Variants in SNAPC4 observed in about 807,000 individuals in gnomAD.
SNAPC4 encodes the protein small nuclear RNA activating complex polypeptide 4.
In SNAPC4, 127 loss-of-function variants were observed where a neutral mutation model predicts 151.3. That is an observed-to-expected ratio of 0.84 (90% CI 0.73 to 0.97). The LOEUF (loss-of-function observed/expected upper bound fraction) is 0.97, where lower values mean the gene tolerates loss of function less well. SNAPC4 is among the 50% of genes least tolerant of loss of function. The pLI is 0.00. For missense variants in SNAPC4, 2,186 were observed against 1,935.0 expected (o/e 1.13, Z -2.43); for synonymous variants, 1,002 against 824.4 (o/e 1.22, Z -3.69).
At chr9:136,385,005 A>T (rs1833843979) in intron 13 of SNAPC4, among the ~76,000 whole-genome samples, 191 bp from the exon 14 acceptor site, 1 of 152,236 alleles carries the variant, frequency 6.6e-6, no homozygotes, top group Non-Finnish European at 1.5e-5. Flanking sequence ...AAAAGTAGAA[A>T]GTGTACAGGC....
intron 19 of SNAPC4, 51 bp downstream of exon 19, chr9:136,381,271 A>G: frequency 6.7e-7 from 1 of 1,485,566 alleles, no homozygotes; most frequent in Non-Finnish European, 9.3e-7. Context: ...AAACTTCACC[A>G]AAAACTTTTT....
rs372449308 is a variant in SNAPC4 at position 136,393,796 on chromosome 9, C to T, written c.632+453G>A. ...CCTTCATGGGGAAGGGGCATAAAGT[C>T]CAGGCATGAGCATCTCTCCATGGCC... On this transcript the variant is annotated intron_variant, in intron 7 of 23. Coordinates refer to ENST00000684778, the MANE Select transcript of SNAPC4 (RefSeq NM_003086.4). Among the ~76,000 whole-genome samples the T allele has an allele frequency of 7.9e-5, 12 of 152,370 alleles. No homozygotes were observed. In the East Asian group the frequency reaches 2.3e-3, roughly 29 times the overall value.
At chr9:136,381,613 G>C (rs894386546) in intron 18 of SNAPC4, among the ~76,000 whole-genome samples, 1 of 151,856 alleles carries the variant, frequency 6.6e-6, no homozygotes, top group African/African-American at 2.4e-5. Context: ...CTTGGCCCAG[G>C]AAGAGTGGTG....
intron 10 of SNAPC4, among the ~76,000 whole-genome samples, chr9:136,391,497 C>T (rs1349973030): frequency 6.6e-6 from 1 of 152,194 alleles, no homozygotes; most frequent in Non-Finnish European, 1.5e-5. Context: ...AAGCTACTCT[C>T]AGGGTGGCCT....
rs1267753941 is a variant in SNAPC4, at chr9:136,380,845, G to C, written c.2394C>G (p.Phe798Leu). 4 of 1,585,880 alleles carry C rather than the reference G, an allele frequency of 2.5e-6. No homozygotes were observed. The East Asian group carries it at 8.9e-5, about 35-fold the overall frequency. ...CCAAGCAGCCGGCAGTATCGATGTG[G>C]AACAGCTGCGGGACACAGGAGGCAA... ...TPVFTLFTQL[F>L]HIDTAGCLEV... The change falls in exon 20 of 24, where the codon TTC (phenylalanine) becomes TTG (leucine). Residue 798 changes from phenylalanine (F) to leucine (L), a missense_variant. Coordinates refer to ENST00000684778, the MANE Select transcript of SNAPC4 (RefSeq NM_003086.4).
At position 136,378,027 on chromosome 9, in the gene SNAPC4, C is replaced by A; in HGVS notation, c.3800G>T (p.Gly1267Val). The A allele has an allele frequency of 6.3e-7, 1 of 1,589,848 alleles. No individual in the cohort carries two copies. The highest frequency in any genetic ancestry group is 8.6e-7 in the Non-Finnish European group (1 of 1,169,020). The stretch of plus-strand genomic sequence containing the variant: ...GGACAGCAGGCCCAGGTCCAGGGCC[C>A]CCTTCTCAGGCCCAGGCTGGGGTAG... ...PPLPQPGPEKGALDLGLLSQE... is the reference protein window; with the variant it reads ...PPLPQPGPEKVALDLGLLSQE... Residue 1267 changes from glycine (G) to valine (V), a missense_variant, in exon 22 of 24, where the codon GGG becomes GTG. Gly to Val is a moderately radical substitution (Grantham distance 109). Coordinates refer to ENST00000684778, the MANE Select transcript of SNAPC4 (RefSeq NM_003086.4).
rs745439800 is a variant in SNAPC4, at chr9:136,388,494, G to A, written c.1073C>T (p.Thr358Met). Residue 358 changes from threonine to methionine, a missense_variant, in exon 11 of 24, where the codon ACG (threonine) becomes ATG (methionine). Transcript: ENST00000684778. ...GACGCGCATCTCCTGCACCAGCTGC[G>A]TGAGCATGCGGTCCTCCTCCTCTGT... ...EWTEEEDRML[T>M]QLVQEMRVGS... The A allele has an allele frequency of 3.7e-6, 6 of 1,614,008 alleles. No homozygotes were observed. Among genetic ancestry groups the A allele is most frequent in the East Asian group, 2.2e-5 (1 of 44,890 alleles).
At position 136,376,406 on chromosome 9, in the gene SNAPC4, G is replaced by A; in HGVS notation, c.4360C>T (p.Leu1454Phe). The part of the protein sequence containing the change: ...TSNDPDDLDV[L>F]RTRHARHTRK... ...GTGTGCCTGGCATGCCGGGTTCTGA[G>A]CACGTCCAGGTCGTCAGGGTCATTA... The change falls in exon 23 of 24, where the codon CTC (leucine) becomes TTC (phenylalanine). Residue 1454 changes from leucine (L) to phenylalanine (F), a missense_variant. By Grantham distance (22) the Leu-to-Phe change is conservative. Transcript: ENST00000684778. 1 of 1,613,498 alleles carries A rather than the reference G, an allele frequency of 6.2e-7. No individual in the cohort carries two copies. The highest frequency in any genetic ancestry group is 8.5e-7 in the Non-Finnish European group (1 of 1,179,964).
In SNAPC4 at chr9:136,378,175, G is replaced by C. The variant is rs749148967; in HGVS notation, c.3652C>G (p.Pro1218Ala). 12 of 1,611,674 alleles carry C rather than the reference G, an allele frequency of 7.4e-6. No individual in the cohort carries two copies. Among genetic ancestry groups the C allele is most frequent in the Non-Finnish European group, 9.3e-6 (11 of 1,179,704 alleles). The change falls in exon 22 of 24, where the codon CCA becomes GCA. Residue 1218 changes from proline (P) to alanine (A), a missense_variant. Transcript: ENST00000684778. ...GAGGGGGACCCCGGCGTCCCCCTTG[G>C]CTCAGTTGCTGGGATGACACCACCG... ...AFGGVIPATE[P>A]RGTPGSPSGT...
At chr9:136,382,223 G>C in intron 17 of SNAPC4, 30 bp downstream of exon 17, 1 of 1,608,054 alleles carries the variant, frequency 6.2e-7, no homozygotes, top group Non-Finnish European at 8.5e-7. Context: ...ACGTGGTGGC[G>C]TGCGCGTGGG....
At position 136,395,737 on chromosome 9, in the gene SNAPC4, C is replaced by T. The variant is rs750947704; in HGVS notation, c.211G>A (p.Glu71Lys). ...AGGGTTTTATCCTTGGGATCGTCCTCGTCATTGCTGGCTTCGCCCCACCTT... is the reference window on the plus strand; with the variant it reads ...AGGGTTTTATCCTTGGGATCGTCCTTGTCATTGCTGGCTTCGCCCCACCTT... ...EERWGEASNDEDDPKDKTLPE... is the reference protein window; with the variant it reads ...EERWGEASNDKDDPKDKTLPE... Residue 71 changes from glutamate to lysine, a missense_variant, in exon 4 of 24, where the codon GAG becomes AAG. Physicochemically the swap from Glu to Lys is moderately conservative, Grantham distance 56. Coordinates refer to ENST00000684778, the MANE Select transcript of SNAPC4 (RefSeq NM_003086.4). 3.7e-6 allele frequency: 6 copies of T among 1,613,248 alleles called. No homozygotes were observed. Among genetic ancestry groups the T allele is most frequent in the Middle Eastern group, 1.6e-4 (1 of 6,078 alleles).
At chr9:136,387,683 C>G (rs1316632943) in intron 12 of SNAPC4, 59 bp downstream of exon 12, 1 of 1,392,094 alleles carries the variant, frequency 7.2e-7, no homozygotes, top group East Asian at 2.3e-5. Context: ...ACAGCAGCCG[C>G]TGAACACAGC....
At chr9:136,380,488 C>T (rs566640718) in intron 20 of SNAPC4, among the ~76,000 whole-genome samples, 1 of 152,346 alleles carries the variant, frequency 6.6e-6, no homozygotes, top group East Asian at 1.9e-4. Flanking sequence ...GCAGACAGCG[C>T]CCATGTCCAT....
Position 136,377,804 on chromosome 9 carries a change from G to T in SNAPC4, c.4023C>A (p.Ala1341=), listed in dbSNP as rs199498252. The part of the protein sequence containing the change: ...LVVGGEAERP[A]GALQASLGLV... ...GCCCCAGTGAGGCTTGCAGTGCTCC[G>T]GCCGGCCGCTCAGCCTCGCCCCCCA... The change falls in exon 22 of 24, where the codon GCC becomes GCA. Residue 1341 remains alanine, a synonymous_variant. Transcript: ENST00000684778. 6.8e-6 allele frequency: 11 copies of T among 1,611,646 alleles called. No homozygotes were observed. Among genetic ancestry groups the T allele is most frequent in the African/African-American group, 2.7e-5 (2 of 75,026 alleles).
chr9:136,384,315 G>A lies in SNAPC4; in HGVS notation c.1421-283C>T, dbSNP rs114272984. Among the ~76,000 whole-genome samples the A allele has an allele frequency of 4.1e-3, 625 of 152,206 alleles. 4 individuals carry two copies. Among genetic ancestry groups the A allele is most frequent in the African/African-American group, 0.014 (583 of 41,526 alleles). On this transcript the variant is annotated intron_variant, in intron 14 of 23. Coordinates refer to ENST00000684778, the MANE Select transcript of SNAPC4 (RefSeq NM_003086.4). Reference sequence around the variant, plus strand: ...ACATATCTGCTCCCCCCAGGCTTCCGCACCAGCCACCTCCCACGATTCCCG... The same window carrying A: ...ACATATCTGCTCCCCCCAGGCTTCCACACCAGCCACCTCCCACGATTCCCG...
Position 136,399,725 on chromosome 9 carries a change from G to A in SNAPC4, c.-10+409C>T, listed in dbSNP as rs575915542. Among the ~76,000 whole-genome samples the A allele has an allele frequency of 5.9e-5, 9 of 152,314 alleles. No homozygotes were observed. In the East Asian group the frequency reaches 7.7e-4, roughly 13 times the overall value. ...AGGGAACCCCAGGATGCGCCAGGAC[G>A]ATGGGCGTTTAGGCACTGGCTTGGG... On this transcript the variant is annotated intron_variant, in intron 1 of 23. Coordinates refer to ENST00000684778, the MANE Select transcript of SNAPC4 (RefSeq NM_003086.4).
At chr9:136,392,622 C>A in intron 8 of SNAPC4, 28 bp from the exon 9 acceptor site, 1 of 1,613,712 alleles carries the variant, frequency 6.2e-7, no homozygotes, top group Non-Finnish European at 8.5e-7. Flanking sequence ...GGTATTGGCA[C>A]CACGCCTGGC....
At position 136,398,415 on chromosome 9, in the gene SNAPC4, G is replaced by C. The variant is rs756151518; in HGVS notation, c.14C>G (p.Ala5Gly). The stretch of plus-strand genomic sequence containing the variant: ...CTCCTGTGTTATCTTCTCTCTTTCA[G>C]CATCTACATCCATGACTCCCGCCTG... MDVD[A>G]EREKITQEIK... The change falls in exon 2 of 24, where the codon GCT (alanine) becomes GGT (glycine). Residue 5 changes from alanine (A) to glycine (G), a missense_variant. Ala to Gly is a moderately conservative substitution (Grantham distance 60). Coordinates refer to ENST00000684778, the MANE Select transcript of SNAPC4 (RefSeq NM_003086.4). 2.5e-6 allele frequency: 4 copies of C among 1,613,382 alleles called. No homozygotes were observed. The Admixed American group carries it at 5.0e-5, about 20-fold the overall frequency.
chr9:136,393,429 T>C (rs1834150280), intron 7 of SNAPC4, among the ~76,000 whole-genome samples: 1 of 152,238 alleles, frequency 6.6e-6, no homozygotes, highest in Non-Finnish European at 1.5e-5. Flanking sequence ...AACCAGGTGC[T>C]GCTGGGTCTC....
Sources: gnomAD v4.1 joint callset for allele counts (sites outside exome capture counted in the v4.1 genomes callset) on GRCh38, gnomAD v4.1.1 for gene constraint, MANE v1.5 for transcripts, NCBI Gene and HGNC (gene_info 2026-07-23, HGNC 2026-07-21) for gene names.